The following EXT1 variants were observed in gnomAD, a reference collection of about 807,000 sequenced individuals.
The protein encoded by EXT1 is exostosin-1.
A neutral mutation model predicts 82.5 loss-of-function variants in EXT1; 20 were observed. The ratio of observed to expected loss-of-function variants is 0.24; its 90% CI spans 0.17 to 0.35. The LOEUF (loss-of-function observed/expected upper bound fraction) is 0.35, where lower values mean the gene tolerates loss of function less well. Among genes scored for constraint, EXT1 ranks in the 10% least tolerant of loss-of-function variants. The pLI is 1.00. For synonymous variants in EXT1, 348 were observed against 350.8 expected (o/e 0.99, Z 0.09); for missense variants, 757 against 936.5 (o/e 0.81, Z 2.50).
At chr8:117,985,367 C>T (rs759518929) in intron 1 of EXT1, among the ~76,000 whole-genome samples, 1 of 152,224 alleles carries the variant, frequency 6.6e-6, no homozygotes, top group Non-Finnish European at 1.5e-5. Flanking sequence ...CTAGCGGGCA[C>T]CAATCCTGCC....
chr8:117,974,778 G>C (rs987319458), intron 1 of EXT1, among the ~76,000 whole-genome samples: 24 of 152,068 alleles, frequency 1.6e-4, no homozygotes, highest in African/African-American at 5.8e-4. Flanking sequence ...TCACTACCTG[G>C]ATTTGGCTTT....
intron 4 of EXT1, among the ~76,000 whole-genome samples, chr8:117,825,177 T>A (rs545771969): frequency 1.3e-5 from 2 of 152,316 alleles, no homozygotes; most frequent in South Asian, 4.1e-4. Flanking sequence ...AGACCAGAAT[T>A]GATTCTGTAG....
At chr8:117,928,497 T>C (rs1217698662) in intron 1 of EXT1, among the ~76,000 whole-genome samples, 3 of 152,256 alleles carry the variant, frequency 2.0e-5, no homozygotes, top group Non-Finnish European at 4.4e-5. Flanking sequence ...CTTCAAACTT[T>C]CTTAAAATCT....
intron 1 of EXT1, among the ~76,000 whole-genome samples, chr8:118,108,050 T>C (rs1817830371): frequency 6.6e-6 from 1 of 152,180 alleles, no homozygotes; most frequent in African/African-American, 2.4e-5. Flanking sequence ...GTGTCATATT[T>C]CTTGGCCCGA....
At chr8:118,081,297 A>G (rs1817323765) in intron 1 of EXT1, among the ~76,000 whole-genome samples, 1 of 152,220 alleles carries the variant, frequency 6.6e-6, no homozygotes, top group African/African-American at 2.4e-5. Context: ...AAAAAGAAAC[A>G]TTTTGCAGTA....
intron 2 of EXT1, among the ~76,000 whole-genome samples, chr8:117,836,854 A>C (rs1312561923): frequency 6.6e-6 from 1 of 152,214 alleles, no homozygotes; most frequent in African/African-American, 2.4e-5. Context: ...GCTGGCAATT[A>C]GATTTGCCTT....
chr8:118,104,690 A>C (rs2130029846), intron 1 of EXT1, among the ~76,000 whole-genome samples: 1 of 152,334 alleles, frequency 6.6e-6, no homozygotes. Context: ...TTGTATACTT[A>C]GAGTTGGACA....
chr8:117,950,870 T>C (rs1055017607), intron 1 of EXT1, among the ~76,000 whole-genome samples: 15 of 152,216 alleles, frequency 9.9e-5, no homozygotes, highest in Admixed American at 6.5e-4. Context: ...ACAGGTGGAC[T>C]GTACTGGCTT....
intron 1 of EXT1, among the ~76,000 whole-genome samples, chr8:118,039,475 G>A (rs146310613): frequency 4.7e-5 from 7 of 148,172 alleles, no homozygotes; most frequent in African/African-American, 1.5e-4. Flanking sequence ...CGGAAGAATC[G>A]CTTGAACCCG....
intron 1 of EXT1, among the ~76,000 whole-genome samples, chr8:117,846,003 G>A (rs1812353261): frequency 6.6e-6 from 1 of 152,194 alleles, no homozygotes; most frequent in Non-Finnish European, 1.5e-5. Flanking sequence ...AGAGTAACGA[G>A]GTGCCAGCAA....
chr8:118,010,143 C>A (rs183213291), intron 1 of EXT1, among the ~76,000 whole-genome samples: 347 of 152,118 alleles, frequency 2.3e-3, no homozygotes, highest in African/African-American at 8.0e-3. Flanking sequence ...GAGGCAGAGG[C>A]GGGCGGATCA....
chr8:118,022,326 CTTTTTTTTTT>C (rs71307420), intron 1 of EXT1, among the ~76,000 whole-genome samples: 6 of 46,174 alleles, frequency 1.3e-4, no homozygotes, highest in Non-Finnish European at 1.6e-4. Context: ...CATATATATT[CTTTTTTTTTT>C]TTTTTTTTTT....
At chr8:117,914,603 A>T (rs1211279399) in intron 1 of EXT1, among the ~76,000 whole-genome samples, 1 of 152,136 alleles carries the variant, frequency 6.6e-6, no homozygotes. Context: ...AAAGGAATGC[A>T]TTCCTAGGGG....
chr8:118,062,989 CA>C (rs1229074387), intron 1 of EXT1, among the ~76,000 whole-genome samples: 1 of 152,032 alleles, frequency 6.6e-6, no homozygotes, highest in East Asian at 1.9e-4. Context: ...ATTAAGGGTG[CA>C]AATCTGGAAA....
chr8:117,972,271 TG>T (rs1292958590), intron 1 of EXT1, among the ~76,000 whole-genome samples: 6 of 152,152 alleles, frequency 3.9e-5, no homozygotes, highest in Non-Finnish European at 7.4e-5. Context: ...CTGTGTAGCA[TG>T]CAAAATTTTA....
chr8:117,880,880 C>T (rs1279406994), intron 1 of EXT1, among the ~76,000 whole-genome samples: 9 of 152,114 alleles, frequency 5.9e-5, no homozygotes, highest in Admixed American at 5.9e-4. Flanking sequence ...TGTGAGCCAC[C>T]GTGCCCGGCC....
At chr8:117,847,485 G>A (rs1812381366) in intron 1 of EXT1, among the ~76,000 whole-genome samples, 1 of 152,158 alleles carries the variant, frequency 6.6e-6, no homozygotes, top group Non-Finnish European at 1.5e-5. Context: ...CACCAGCCCT[G>A]ACAAATAGCA....
intron 1 of EXT1, among the ~76,000 whole-genome samples, chr8:117,900,022 C>T (rs981370965): frequency 2.6e-5 from 4 of 152,172 alleles, no homozygotes; most frequent in East Asian, 1.9e-4. Flanking sequence ...GTCTAAGAGA[C>T]GGATTTGCCG....
intron 1 of EXT1, among the ~76,000 whole-genome samples, chr8:117,983,114 T>G (rs868017704): frequency 6.6e-6 from 1 of 152,204 alleles, no homozygotes; most frequent in Non-Finnish European, 1.5e-5. Context: ...AGACCTGTCT[T>G]CCTTTTCTAC....
Sources: gnomAD v4.1 joint callset for allele counts (sites outside exome capture counted in the v4.1 genomes callset) on GRCh38, gnomAD v4.1.1 for gene constraint, MANE v1.5 for transcripts, NCBI Gene and HGNC (gene_info 2026-07-23, HGNC 2026-07-21) for gene names.